The following RSPRY1 variants were observed in gnomAD, a reference collection of about 807,000 sequenced individuals.
RSPRY1 encodes the protein ring finger and SPRY domain containing 1, also known as RING finger and SPRY domain-containing protein 1.
Under a neutral mutation model 73.1 loss-of-function variants are expected in RSPRY1, and 23 were observed. That is an observed-to-expected ratio of 0.31 (90% CI 0.23 to 0.45). RSPRY1 has a LOEUF of 0.45. RSPRY1 is among the 20% of genes least tolerant of loss of function. RSPRY1 has a pLI of 1.00. For missense variants in RSPRY1, 448 were observed against 698.7 expected (o/e 0.64, Z 4.05); for synonymous variants, 226 against 251.4 (o/e 0.90, Z 0.95).
In RSPRY1 at chr16:57,208,181, TTTTTG is replaced by T. The variant is rs148079684; in HGVS notation, c.403+87_403+91del. 1,071 of 975,276 alleles carry T rather than the reference TTTTTG, an allele frequency of 1.1e-3. 9 individuals carry two copies. The African/African-American group carries it at 0.015, about 13-fold the overall frequency. 60.4% of individuals were successfully genotyped at this position (975,276 alleles called of 1,614,324 possible). A position where few individuals can be genotyped will look rare whatever the true frequency, so the allele number is the denominator to read the frequency against. ...ATGAAGAAAAGTAGCCACCTTTTGT[TTTTTG>T]TTTTGTTTTGTTTTGAGATAAAAGA... On this transcript the variant is annotated intron_variant, in intron 3 of 14. Transcript: ENST00000394420.
intron 10 of RSPRY1, among the ~76,000 whole-genome samples, chr16:57,226,081 A>G (rs2075116505): frequency 6.6e-6 from 1 of 152,036 alleles, no homozygotes; most frequent in African/African-American, 2.4e-5. Flanking sequence ...TCCATCTCAA[A>G]GAAAAAAAAA....
At chr16:57,228,566 A>G (rs1403131030) in intron 11 of RSPRY1, among the ~76,000 whole-genome samples, 1 of 152,186 alleles carries the variant, frequency 6.6e-6, no homozygotes, top group Non-Finnish European at 1.5e-5. Context: ...TGAATAAACT[A>G]AAAATCCCCT....
intron 8 of RSPRY1, among the ~76,000 whole-genome samples, chr16:57,218,731 T>TCTCTCGATGGACAC (rs1288947442): frequency 2.9e-5 from 3 of 102,430 alleles, no homozygotes; most frequent in East Asian, 3.3e-4. Flanking sequence ...TTTTTTTTTT[T>TCTCTCGATGGACAC]TTTTTTTTTT....
At chr16:57,220,868 T>G in intron 9 of RSPRY1, 21 bp downstream of exon 9, 1 of 1,519,014 alleles carries the variant, frequency 6.6e-7, no homozygotes, top group Non-Finnish European at 9.1e-7. Flanking sequence ...CTTCTACAGT[T>G]GGACCCTTTG....
At chr16:57,221,613 G>A (rs1221138199) in intron 10 of RSPRY1, among the ~76,000 whole-genome samples, 198 bp downstream of exon 10, 2 of 152,092 alleles carry the variant, frequency 1.3e-5, no homozygotes, top group Non-Finnish European at 2.9e-5. Flanking sequence ...ATTGCCCCTC[G>A]GCCTTTTCTT....
intron 4 of RSPRY1, among the ~76,000 whole-genome samples, chr16:57,210,168 T>A (rs1368098163): frequency 6.6e-6 from 1 of 151,480 alleles, no homozygotes; most frequent in Admixed American, 6.6e-5. Flanking sequence ...ATCCTCAACC[T>A]CTCAGGTTCA....
chr16:57,231,616 G>C (rs754365842), intron 13 of RSPRY1, among the ~76,000 whole-genome samples: 4 of 152,168 alleles, frequency 2.6e-5, no homozygotes, highest in Non-Finnish European at 5.9e-5. Flanking sequence ...AACCCAGAAA[G>C]ACGGAACACT....
chr16:57,197,171 T>C lies in RSPRY1; in HGVS notation c.-155-7333T>C, dbSNP rs142052846. ...AAACAAAAAATTGTCTAAAGTGTAATTGATTAGCTTTCACCCAGTCTTTTG... is the reference window on the plus strand; with the variant it reads ...AAACAAAAAATTGTCTAAAGTGTAACTGATTAGCTTTCACCCAGTCTTTTG... On this transcript the variant is annotated intron_variant, in intron 1 of 14. Coordinates refer to ENST00000394420, the MANE Select transcript of RSPRY1 (RefSeq NM_133368.3). 5.1e-3 allele frequency among the ~76,000 whole-genome samples: 774 copies of C among 152,316 alleles called. 8 individuals carry two copies. Among genetic ancestry groups the C allele is most frequent in the African/African-American group, 0.018 (750 of 41,562 alleles).
intron 1 of RSPRY1, among the ~76,000 whole-genome samples, chr16:57,198,601 T>G (rs2074498251): frequency 1.3e-5 from 2 of 152,206 alleles, no homozygotes; most frequent in Admixed American, 1.3e-4. Flanking sequence ...GGCTCCCCTA[T>G]TCTTTTTGCT....
rs557119366 is a variant in RSPRY1 at position 57,195,412 on chromosome 16, C to T, written c.-156+8961C>T. On this transcript the variant is annotated intron_variant, in intron 1 of 14. Coordinates refer to ENST00000394420, the MANE Select transcript of RSPRY1 (RefSeq NM_133368.3). Reference sequence around the variant, plus strand: ...CTGTAATCCCAGCTATTCGGGTGGCCGAGGCAGGAGAATCGCCTGAACCGG... The same window carrying T: ...CTGTAATCCCAGCTATTCGGGTGGCTGAGGCAGGAGAATCGCCTGAACCGG... 8.6e-5 allele frequency among the ~76,000 whole-genome samples: 13 copies of T among 151,748 alleles called. No individual in the cohort carries two copies. In the South Asian group the frequency reaches 1.7e-3, roughly 19 times the overall value.
intron 1 of RSPRY1, among the ~76,000 whole-genome samples, chr16:57,200,651 C>T (rs1475818248): frequency 5.1e-4 from 70 of 136,572 alleles, no homozygotes; most frequent in Middle Eastern, 4.2e-3. Flanking sequence ...GGCGGCTGGC[C>T]GGGCGGGGGG....
intron 2 of RSPRY1, among the ~76,000 whole-genome samples, chr16:57,205,910 T>TA (rs1256318619): frequency 9.2e-5 from 14 of 152,220 alleles, no homozygotes; most frequent in African/African-American, 1.9e-4. Context: ...AAAAGTTACT[T>TA]ATGTGTTCTT....
chr16:57,211,966 A>G (rs1418846491), intron 4 of RSPRY1, among the ~76,000 whole-genome samples: 3 of 152,214 alleles, frequency 2.0e-5, no homozygotes, highest in Non-Finnish European at 4.4e-5. Context: ...GTAGTCACCA[A>G]TGAATTGACC....
chr16:57,202,812 C>T (rs1011687131), intron 1 of RSPRY1, among the ~76,000 whole-genome samples: 1 of 150,858 alleles, frequency 6.6e-6, no homozygotes, highest in Non-Finnish European at 1.5e-5. Context: ...TGTTCCATCC[C>T]ATTCCATTCT....
At chr16:57,234,872 C>T (rs1203371108) in intron 13 of RSPRY1, among the ~76,000 whole-genome samples, 1 of 152,192 alleles carries the variant, frequency 6.6e-6, no homozygotes, top group Non-Finnish European at 1.5e-5. Flanking sequence ...AATTTGATTC[C>T]TGACTGCATA....
chr16:57,187,176 C>CCCA lies in RSPRY1; in HGVS notation c.-156+726_-156+727insCAC, dbSNP rs567282370. ...ATTATTCCCTCTCTCTGTAGATCGA[C>CCCA]CAGGTGTCCCAGACACAGGATCCAA... On this transcript the variant is annotated intron_variant, in intron 1 of 14. Coordinates refer to ENST00000394420, the MANE Select transcript of RSPRY1 (RefSeq NM_133368.3). The CCCA allele has an allele frequency of 1.4e-3, 213 of 152,326 alleles. 2 individuals are homozygous for CCCA. Among genetic ancestry groups the CCCA allele is most frequent in the African/African-American group, 4.9e-3 (204 of 41,544 alleles). 9.4% of individuals were successfully genotyped at this position (152,326 alleles called of 1,614,324 possible).
rs752691519 is a variant in RSPRY1 at position 57,217,043 on chromosome 16, G to T, written c.901+8G>T. On this transcript the variant is annotated splice_region_variant and intron_variant, in intron 8 of 14. Coordinates refer to ENST00000394420, the MANE Select transcript of RSPRY1 (RefSeq NM_133368.3). ...GGAGCTTAGACAATCTCTGTAAGTG[G>T]GAGTTGTCCTTTATTAAAATGTCCG... 1 of 1,613,792 alleles carries T rather than the reference G, an allele frequency of 6.2e-7. No homozygotes were observed. The highest frequency in any genetic ancestry group is 8.5e-7 in the Non-Finnish European group (1 of 1,179,932).
chr16:57,213,873 G>A lies in RSPRY1; in HGVS notation c.644-15G>A. 1.3e-6 allele frequency: 2 copies of A among 1,562,902 alleles called. No individual in the cohort carries two copies. The highest frequency in any genetic ancestry group is 8.8e-7 in the Non-Finnish European group (1 of 1,133,670). ...GGCATTTTAATTATATCAAGTGTTT[G>A]TTGTATTTGTCTAGGTCCTGCAAGT... On this transcript the variant is annotated splice_polypyrimidine_tract_variant and intron_variant, in intron 5 of 14. Transcript: ENST00000394420.
chr16:57,228,592 A>AT (rs2075157675), intron 11 of RSPRY1, among the ~76,000 whole-genome samples: 2 of 152,152 alleles, frequency 1.3e-5, no homozygotes, highest in South Asian at 4.1e-4. Context: ...TTCTCCAGAG[A>AT]TTTTTTAAAA....
Sources: gnomAD v4.1 joint callset for allele counts (sites outside exome capture counted in the v4.1 genomes callset) on GRCh38, gnomAD v4.1.1 for gene constraint, MANE v1.5 for transcripts, NCBI Gene and HGNC (gene_info 2026-07-23, HGNC 2026-07-21) for gene names.